The following DPY19L2 variants were observed in gnomAD, a reference collection of about 807,000 sequenced individuals.
DPY19L2 encodes probable C-mannosyltransferase DPY19L2.
In DPY19L2, 34 loss-of-function variants were observed where a neutral mutation model predicts 97.9. That is an observed-to-expected ratio of 0.35 (90% CI 0.26 to 0.46). DPY19L2 has a LOEUF of 0.46. DPY19L2 is among the 20% of genes least tolerant of loss of function. DPY19L2 has a pLI of 1.00. For synonymous variants in DPY19L2, 230 were observed against 307.9 expected, an observed-to-expected ratio of 0.75 and a Z score of 2.65; for missense variants, 623 against 911.4, an observed-to-expected ratio of 0.68 and a Z score of 4.07.
intron 6 of DPY19L2, among the ~76,000 whole-genome samples, chr12:63,635,862 T>C (rs186161743): frequency 3.0e-4 from 46 of 152,216 alleles, no homozygotes; most frequent in Non-Finnish European, 6.2e-4. Flanking sequence ...CTTGAAGATA[T>C]TATCCAGGAA....
chr12:63,598,868 AT>A (rs1348369657), intron 13 of DPY19L2, among the ~76,000 whole-genome samples: 1,920 of 144,780 alleles, frequency 0.013, 24 homozygotes, highest in African/African-American at 0.038. Flanking sequence ...GTGTGTTTGC[AT>A]TTTTTTTTTT....
At chr12:63,561,286 T>C (rs1592349775) in intron 21 of DPY19L2, among the ~76,000 whole-genome samples, 1 of 152,182 alleles carries the variant, frequency 6.6e-6, no homozygotes, top group African/African-American at 2.4e-5. Flanking sequence ...GTATAAGTTA[T>C]ATAAACAATA....
chr12:63,641,426 A>G (rs1472871966), intron 6 of DPY19L2, among the ~76,000 whole-genome samples: 1 of 152,104 alleles, frequency 6.6e-6, no homozygotes, highest in Non-Finnish European at 1.5e-5. Flanking sequence ...CTGAGTCTCC[A>G]CTTGCCAGCC....
intron 10 of DPY19L2, among the ~76,000 whole-genome samples, chr12:63,617,678 GACTT>G (rs1888071695): frequency 6.6e-6 from 1 of 151,798 alleles, no homozygotes; most frequent in African/African-American, 2.4e-5. Context: ...TAATAAGAAA[GACTT>G]AGTTATAAAT....
chr12:63,634,071 G>C (rs1195755423), intron 6 of DPY19L2, among the ~76,000 whole-genome samples: 1 of 151,296 alleles, frequency 6.6e-6, no homozygotes, highest in Non-Finnish European at 1.5e-5. Context: ...TGTAGGGTGC[G>C]GGGAAGGGGG....
intron 19 of DPY19L2, among the ~76,000 whole-genome samples, chr12:63,574,888 A>G (rs191846588): frequency 1.5e-4 from 23 of 152,062 alleles, no homozygotes; most frequent in Non-Finnish European, 3.1e-4. Context: ...CACTTTCAGC[A>G]GTGGACAGGT....
intron 6 of DPY19L2, among the ~76,000 whole-genome samples, chr12:63,643,569 TTACACAA>T (rs1328514604): frequency 6.6e-6 from 1 of 152,204 alleles, no homozygotes; most frequent in East Asian, 1.9e-4. Context: ...CAAAAGTGGC[TTACACAA>T]TATGGATGTT....
chr12:63,657,160 T>C (rs990839445), intron 4 of DPY19L2, among the ~76,000 whole-genome samples: 18 of 152,172 alleles, frequency 1.2e-4, no homozygotes, highest in Non-Finnish European at 5.9e-5. Flanking sequence ...AAGAACATCT[T>C]TCTTACCGTT....
At chr12:63,595,694 G>A (rs961696134) in intron 15 of DPY19L2, among the ~76,000 whole-genome samples, 8 of 152,074 alleles carry the variant, frequency 5.3e-5, no homozygotes, top group Non-Finnish European at 1.0e-4. Context: ...AGACAGGAGC[G>A]GCCAGGTTTT....
At chr12:63,579,450 A>C (rs1880480333) in intron 19 of DPY19L2, among the ~76,000 whole-genome samples, 1 of 152,210 alleles carries the variant, frequency 6.6e-6, no homozygotes, top group Non-Finnish European at 1.5e-5. Flanking sequence ...AAGGAGAATA[A>C]GACAGATTAA....
At chr12:63,612,945 C>A (rs1460362141) in intron 11 of DPY19L2, among the ~76,000 whole-genome samples, 1 of 151,922 alleles carries the variant, frequency 6.6e-6, no homozygotes, top group Non-Finnish European at 1.5e-5. Flanking sequence ...AAGATACAAC[C>A]AAAGTTCACT....
intron 1 of DPY19L2, among the ~76,000 whole-genome samples, chr12:63,666,210 A>T (rs1896321074): frequency 6.6e-6 from 1 of 152,084 alleles, no homozygotes; most frequent in Non-Finnish European, 1.5e-5. Flanking sequence ...AAAAGAAGTA[A>T]GTATATACAG....
chr12:63,570,637 G>T, intron 20 of DPY19L2, 121 bp downstream of exon 20: 1 of 990,398 alleles, frequency 1.0e-6, no homozygotes, highest in Non-Finnish European at 1.4e-6. Flanking sequence ...GTATGAAAAT[G>T]AGGATGAGTT....
At chr12:63,589,215 G>A (rs950112943) in intron 16 of DPY19L2, among the ~76,000 whole-genome samples, 2 of 151,648 alleles carry the variant, frequency 1.3e-5, no homozygotes, top group African/African-American at 2.4e-5. Context: ...AGCACGACAA[G>A]AAAGTAAAGA....
chr12:63,629,778 A>G (rs1490333600), intron 6 of DPY19L2, among the ~76,000 whole-genome samples: 1 of 152,110 alleles, frequency 6.6e-6, no homozygotes, highest in Non-Finnish European at 1.5e-5. Flanking sequence ...GTTCACCAAA[A>G]TGGAAATGCA....
intron 7 of DPY19L2, among the ~76,000 whole-genome samples, chr12:63,624,654 T>A (rs1229084323): frequency 6.6e-6 from 1 of 152,158 alleles, no homozygotes; most frequent in Non-Finnish European, 1.5e-5. Flanking sequence ...AAAGGTTAAG[T>A]ATATATTTTA....
In DPY19L2 at chr12:63,663,765, G is replaced by A. The variant is rs755519442; in HGVS notation, c.443C>T (p.Thr148Ile). 2 of 1,601,518 alleles carry A rather than the reference G, an allele frequency of 1.2e-6. No individual in the cohort carries two copies. Among genetic ancestry groups the A allele is most frequent in the South Asian group, 1.1e-5 (1 of 87,178 alleles). ...SSLEREMTFR[T>I]EMGLYYSYFK... is the part of the protein sequence containing the mutation. ...TAGAAGAAGAAACCTAACCATTTCA[G>A]TGCGAAAAGTCATCTCCCGTTCCAA... Residue 148 changes from threonine to isoleucine, a missense_variant, in exon 3 of 22, where the codon ACT (threonine) becomes ATT (isoleucine). Around this residue, in one of 6 missense-constraint regions of DPY19L2, gnomAD observed 84 missense variants for 125.4 expected, o/e 0.67. Coordinates refer to ENST00000324472, the MANE Select transcript of DPY19L2 (RefSeq NM_173812.5).
intron 4 of DPY19L2, chr12:63,651,649 C>T (rs1191204138): frequency 7.2e-6 from 3 of 415,732 alleles, no homozygotes; most frequent in Admixed American, 4.8e-5. Flanking sequence ...TCCGGCCCTA[C>T]AGAGACTGCG....
chr12:63,628,452 C>T (rs993466807), intron 6 of DPY19L2, among the ~76,000 whole-genome samples: 12 of 152,110 alleles, frequency 7.9e-5, no homozygotes, highest in South Asian at 2.1e-4. Flanking sequence ...CCTATGCCCA[C>T]GGAGCCTCCC....
Sources: allele counts gnomAD v4.1 joint callset (sites outside exome capture counted in the v4.1 genomes callset), GRCh38; gene constraint gnomAD v4.1.1; regional missense constraint gnomAD v4.1.1; transcripts MANE v1.5; gene names NCBI Gene and HGNC (gene_info 2026-07-23, HGNC 2026-07-21).